Variants in SMG9 observed in about 807,000 individuals in gnomAD.
SMG9 encodes the protein nonsense-mediated mRNA decay factor SMG9.
Under a neutral mutation model 64.0 loss-of-function variants are expected in SMG9, and 55 were observed. The observed-to-expected ratio is 0.86, with a 90% CI of 0.69 to 1.08. SMG9 has a LOEUF of 1.08. Among genes scored for constraint, SMG9 ranks in the 50% least tolerant of loss-of-function variants. The probability of loss-of-function intolerance (pLI) is 0.00; values close to 1 mark genes in which losing one functional copy is unlikely to be tolerated. For synonymous variants in SMG9, 244 were observed against 254.8 expected (o/e 0.96, Z 0.41); for missense variants, 554 against 681.3 (o/e 0.81, Z 2.08).
At chr19:43,749,963 T>C (rs912573052) in intron 2 of SMG9, among the ~76,000 whole-genome samples, 9 of 152,202 alleles carry the variant, frequency 5.9e-5, no homozygotes, top group Admixed American at 5.9e-4. Context: ...ATCTACCTCA[T>C]GGGGTAGCTG....
rs537474361 is a variant in SMG9, at chr19:43,736,120, A to C, written c.995+1477T>G. On this transcript the variant is annotated intron_variant, in intron 9 of 13. Coordinates refer to ENST00000270066, the MANE Select transcript of SMG9 (RefSeq NM_019108.4). Reference sequence around the variant, plus strand: ...CTTTTTTGCTGTTGGCCAGACCCTCAGCTCATCCCTGTCCCCAGGGTTACT... The same window carrying C: ...CTTTTTTGCTGTTGGCCAGACCCTCCGCTCATCCCTGTCCCCAGGGTTACT... Among the ~76,000 whole-genome samples, 55 of 152,328 alleles carry C rather than the reference A, an allele frequency of 3.6e-4. No individual in the cohort carries two copies. In the South Asian group the frequency reaches 0.011, roughly 30 times the overall value.
chr19:43,731,784 T>TC, intron 13 of SMG9, 110 bp from the exon 14 acceptor site: 1 of 1,316,780 alleles, frequency 7.6e-7, no homozygotes, highest in South Asian at 1.3e-5. Context: ...GAGATGTGAC[T>TC]CTGAGCCTCT....
Position 43,750,152 on chromosome 19 carries a change from T to C in SMG9, c.150+440A>G, listed in dbSNP as rs944171781. Reference sequence around the variant, plus strand: ...CAATTTCACTCAGTGAAATACAAAGTTCTTTCCAAGGCCTACCAGGTCCTA... The same window carrying C: ...CAATTTCACTCAGTGAAATACAAAGCTCTTTCCAAGGCCTACCAGGTCCTA... On this transcript the variant is annotated intron_variant, in intron 2 of 13. Transcript: ENST00000270066. 1.1e-5 allele frequency: 6 copies of C among 521,784 alleles called. No homozygotes were observed. In the African/African-American group the frequency reaches 1.2e-4, roughly 10 times the overall value. The allele number at this position is 521,784 out of a possible 1,614,324, so 32.3% of individuals were successfully genotyped here.
chr19:43,738,488 C>G (rs1417181647), intron 7 of SMG9, among the ~76,000 whole-genome samples: 1 of 152,062 alleles, frequency 6.6e-6, no homozygotes, highest in Non-Finnish European at 1.5e-5. Context: ...TCAAATGAGT[C>G]ATGTCCCTTA....
In SMG9 at chr19:43,731,646, C is replaced by T. The variant is rs1189810188; in HGVS notation, c.1513G>A (p.Gly505Arg). 1.2e-6 allele frequency: 2 copies of T among 1,614,140 alleles called. No homozygotes were observed. Among genetic ancestry groups the T allele is most frequent in the African/African-American group, 1.3e-5 (1 of 74,956 alleles). ...WFHYAARIWD[G>R]VRKSSALAEY... is the part of the protein sequence containing the mutation. ...GCCAGAGCAGAGGACTTTCTCACCC[C>T]ATCCCAGATCCGGGCAGCGTAGTGG... The change falls in exon 14 of 14, where the codon GGG becomes AGG. Residue 505 changes from glycine to arginine, a missense_variant. By Grantham distance (125) the Gly-to-Arg change is moderately radical. Transcript: ENST00000270066.
intron 9 of SMG9, among the ~76,000 whole-genome samples, chr19:43,736,266 G>A (rs757348420): frequency 2.0e-5 from 3 of 152,202 alleles, no homozygotes; most frequent in Non-Finnish European, 4.4e-5. Flanking sequence ...AGGAACTGAG[G>A]AGGAAACAGA....
intron 5 of SMG9, among the ~76,000 whole-genome samples, chr19:43,745,357 G>GT (rs935846532): frequency 1.2e-4 from 18 of 151,564 alleles, no homozygotes; most frequent in South Asian, 2.1e-4. Context: ...CTGTGTGTGT[G>GT]TTTTTTTGTT....
At chr19:43,736,495 G>A (rs1474972858) in intron 9 of SMG9, among the ~76,000 whole-genome samples, 3 of 152,200 alleles carry the variant, frequency 2.0e-5, no homozygotes, top group Non-Finnish European at 4.4e-5. Context: ...CTCTTCTGGA[G>A]GCATTTCTGC....
intron 5 of SMG9, 49 bp from the exon 6 acceptor site, chr19:43,744,933 G>T: frequency 6.9e-7 from 1 of 1,453,872 alleles, no homozygotes; most frequent in East Asian, 2.3e-5. Context: ...AGCTGCTGGA[G>T]CTGGAATGAG....
chr19:43,746,698 T>C (rs1490516960), intron 5 of SMG9, among the ~76,000 whole-genome samples: 3 of 149,296 alleles, frequency 2.0e-5, no homozygotes, highest in Non-Finnish European at 3.0e-5. Flanking sequence ...ACTGGTGTTA[T>C]GTATGATGAT....
At chr19:43,754,523 C>T (rs1969292229) in intron 1 of SMG9, 131 bp downstream of exon 1, 1 of 152,312 alleles carries the variant, frequency 6.6e-6, no homozygotes, top group East Asian at 1.9e-4. Context: ...GGTCGCCGGC[C>T]CCCTACTCAG....
chr19:43,728,895 G>A lies in SMG9; in HGVS notation c.*2701C>T, dbSNP rs1007866859. 4 of 718,368 alleles carry A rather than the reference G, an allele frequency of 5.6e-6. No homozygotes were observed. The East Asian group carries it at 3.9e-4, about 70-fold the overall frequency. 44.5% of individuals were successfully genotyped at this position (718,368 alleles called of 1,614,324 possible). Reference sequence around the variant, plus strand: ...TTGAAAAGCGTGAGTTCCACCTGCTGGGAATGATGAAGGGACTGGAGAGCC... The same window carrying A: ...TTGAAAAGCGTGAGTTCCACCTGCTAGGAATGATGAAGGGACTGGAGAGCC... On this transcript the variant is annotated 3_prime_UTR_variant, in exon 14 of 14. Coordinates refer to ENST00000270066, the MANE Select transcript of SMG9 (RefSeq NM_019108.4).
chr19:43,739,942 G>T (rs930605229), intron 7 of SMG9, 165 bp downstream of exon 7: 3 of 623,778 alleles, frequency 4.8e-6, no homozygotes, highest in Non-Finnish European at 8.6e-6. Context: ...AGTGACAAGA[G>T]ACTAAGGGCC....
chr19:43,729,080 T>A lies in SMG9; in HGVS notation c.*2516A>T, dbSNP rs1600184070. 2 of 972,238 alleles carry A rather than the reference T, an allele frequency of 2.1e-6. No individual in the cohort carries two copies. Among genetic ancestry groups the A allele is most frequent in the South Asian group, 4.8e-5 (1 of 21,030 alleles). 60.2% of individuals were successfully genotyped at this position (972,238 alleles called of 1,614,324 possible). On this transcript the variant is annotated 3_prime_UTR_variant, in exon 14 of 14. Transcript: ENST00000270066. ...TGTAAAGGGGGTGGCGGGTGACCGG[T>A]ACATACTTACCCACTGTTCAGAAGG...
intron 5 of SMG9, among the ~76,000 whole-genome samples, chr19:43,746,546 G>C (rs192040260): frequency 2.0e-5 from 3 of 152,204 alleles, no homozygotes; most frequent in Admixed American, 6.5e-5. Flanking sequence ...AAGTGGCAGG[G>C]GCAAGGCAAT....
chr19:43,747,320 C>T (rs139659087), intron 5 of SMG9, 122 bp downstream of exon 5: 3 of 856,200 alleles, frequency 3.5e-6, no homozygotes, highest in Non-Finnish European at 3.7e-6. Flanking sequence ...GTTCTGATAC[C>T]ACCCCCTCTC....
Position 43,731,109 on chromosome 19 carries a change from G to C in SMG9, c.*487C>G, listed in dbSNP as rs1968467712. Reference sequence around the variant, plus strand: ...GGTGTCCAATTTGTCCTGCTTCCCAGAGCTGCATGGTGGGTAGAGGAGTAA... The same window carrying C: ...GGTGTCCAATTTGTCCTGCTTCCCACAGCTGCATGGTGGGTAGAGGAGTAA... On this transcript the variant is annotated 3_prime_UTR_variant, in exon 14 of 14. Transcript: ENST00000270066. The C allele has an allele frequency of 1.0e-6, 1 of 986,644 alleles. No individual in the cohort carries two copies. Among genetic ancestry groups the C allele is most frequent in the Non-Finnish European group, 1.2e-6 (1 of 830,806 alleles). 61.1% of individuals were successfully genotyped at this position (986,644 alleles called of 1,614,324 possible). A position where few individuals can be genotyped will look rare whatever the true frequency, so the allele number is the denominator to read the frequency against.
intron 13 of SMG9, among the ~76,000 whole-genome samples, 198 bp from the exon 14 acceptor site, chr19:43,731,872 C>A (rs925336462): frequency 6.6e-6 from 1 of 152,246 alleles, no homozygotes; most frequent in Non-Finnish European, 1.5e-5. Context: ...TCTTAGCTCA[C>A]CCAGGTTATG....
chr19:43,736,401 A>C (rs972864323), intron 9 of SMG9, among the ~76,000 whole-genome samples: 3 of 152,034 alleles, frequency 2.0e-5, no homozygotes, highest in African/African-American at 7.3e-5. Context: ...CGTGTGCCCA[A>C]AGCTGTTCCC....
Sources: allele counts gnomAD v4.1 joint callset (sites outside exome capture counted in the v4.1 genomes callset), GRCh38; gene constraint gnomAD v4.1.1; transcripts MANE v1.5; gene names NCBI Gene and HGNC (gene_info 2026-07-23, HGNC 2026-07-21).